The following CTNNA2 variants were observed in gnomAD, a reference collection of about 807,000 sequenced individuals.
CTNNA2 encodes the protein catenin alpha-2.
In CTNNA2, 42 loss-of-function variants were observed where a neutral mutation model predicts 101.0. That is an observed-to-expected ratio of 0.42 (90% CI 0.32 to 0.54). The LOEUF is 0.54. CTNNA2 is among the 20% of genes least tolerant of loss of function. The pLI is 0.14. For synonymous variants in CTNNA2, 450 were observed against 456.4 expected (o/e 0.99, Z 0.18); for missense variants, 871 against 1,223.1 (o/e 0.71, Z 4.29).
intron 1 of CTNNA2, among the ~76,000 whole-genome samples, chr2:79,627,243 C>T (rs1476882708): frequency 6.6e-6 from 1 of 152,232 alleles, no homozygotes; most frequent in South Asian, 2.1e-4. Flanking sequence ...TTTCTTCCAA[C>T]TCTAAAAGCC....
intron 14 of CTNNA2, among the ~76,000 whole-genome samples, chr2:80,585,946 A>G (rs1262010276): frequency 6.6e-6 from 1 of 152,194 alleles, no homozygotes; most frequent in African/African-American, 2.4e-5. Flanking sequence ...CATTAAGTGT[A>G]TTATGCAGGT....
intron 7 of CTNNA2, among the ~76,000 whole-genome samples, chr2:80,371,383 G>A (rs1573870584): frequency 6.6e-6 from 1 of 152,118 alleles, no homozygotes; most frequent in East Asian, 1.9e-4. Flanking sequence ...ATGAGGTAGT[G>A]AAGTGTTAAC....
intron 4 of CTNNA2, among the ~76,000 whole-genome samples, chr2:79,431,905 G>C (rs1678663113): frequency 6.6e-6 from 1 of 152,048 alleles, no homozygotes; most frequent in Non-Finnish European, 1.5e-5. Flanking sequence ...TTGTGGAACA[G>C]AAAGCAAAAA....
chr2:80,255,591 C>T (rs937135919), intron 7 of CTNNA2, among the ~76,000 whole-genome samples: 3 of 152,118 alleles, frequency 2.0e-5, no homozygotes, highest in Admixed American at 6.6e-5. Flanking sequence ...CCATCAAACT[C>T]GCGGGCCTTG....
intron 7 of CTNNA2, among the ~76,000 whole-genome samples, chr2:79,982,295 A>AAC (rs529112548): frequency 0.017 from 2,392 of 140,656 alleles, 127 homozygotes; most frequent in African/African-American, 0.06. Context: ...TAACATATAT[A>AAC]ACATATATAA....
intron 2 of CTNNA2, among the ~76,000 whole-genome samples, chr2:79,302,743 A>G (rs1365393555): frequency 1.3e-5 from 2 of 152,192 alleles, no homozygotes; most frequent in African/African-American, 2.4e-5. Flanking sequence ...GGCACCAGGC[A>G]TAAAGCTCAG....
intron 18 of CTNNA2, among the ~76,000 whole-genome samples, chr2:80,636,435 G>A (rs923773820): frequency 2.0e-5 from 3 of 152,102 alleles, no homozygotes; most frequent in Non-Finnish European, 4.4e-5. Context: ...TAAACACAGA[G>A]CTTTGGGAGA....
intron 4 of CTNNA2, among the ~76,000 whole-genome samples, chr2:79,404,917 A>G (rs564788846): frequency 1.3e-5 from 2 of 151,988 alleles, no homozygotes; most frequent in African/African-American, 4.8e-5. Context: ...TCAGAACTTT[A>G]TTTTTTTAAA....
At chr2:80,615,248 A>G (rs1412788179) in intron 17 of CTNNA2, among the ~76,000 whole-genome samples, 1 of 151,592 alleles carries the variant, frequency 6.6e-6, no homozygotes, top group Non-Finnish European at 1.5e-5. Context: ...TAACATTTTG[A>G]CAATAATATT....
At chr2:79,758,778 A>G (rs777008665) in intron 3 of CTNNA2, among the ~76,000 whole-genome samples, 1 of 152,290 alleles carries the variant, frequency 6.6e-6, no homozygotes, top group East Asian at 1.9e-4. Context: ...ACATAATTTC[A>G]TTCTTTTTTA....
intron 3 of CTNNA2, among the ~76,000 whole-genome samples, chr2:79,772,977 C>A (rs554738309): frequency 6.6e-6 from 1 of 152,286 alleles, no homozygotes; most frequent in East Asian, 1.9e-4. Flanking sequence ...GGAACTTTAT[C>A]TCACTCTGGG....
intron 3 of CTNNA2, among the ~76,000 whole-genome samples, chr2:79,341,788 C>T (rs1351256869): frequency 1.3e-5 from 2 of 152,162 alleles, no homozygotes; most frequent in African/African-American, 4.8e-5. Flanking sequence ...TGTCACCTGG[C>T]TCTATTTATA....
chr2:79,252,287 A>G (rs967264926), intron 2 of CTNNA2, among the ~76,000 whole-genome samples: 2 of 99,134 alleles, frequency 2.0e-5, no homozygotes, highest in Admixed American at 9.0e-5. Context: ...GCATGTTTGG[A>G]AGAGATTTTT....
At chr2:79,776,493 A>G (rs1359320128) in intron 3 of CTNNA2, among the ~76,000 whole-genome samples, 1 of 152,212 alleles carries the variant, frequency 6.6e-6, no homozygotes, top group Non-Finnish European at 1.5e-5. Context: ...ACCACTGTAT[A>G]AATCAAAAGC....
At chr2:80,587,904 G>A (rs1400756975) in intron 14 of CTNNA2, among the ~76,000 whole-genome samples, 1 of 152,024 alleles carries the variant, frequency 6.6e-6, no homozygotes, top group Non-Finnish European at 1.5e-5. Context: ...TTTCATTCGG[G>A]GCTTGCTACC....
intron 2 of CTNNA2, among the ~76,000 whole-genome samples, chr2:79,291,894 A>G (rs888833189): frequency 6.6e-6 from 1 of 152,142 alleles, no homozygotes; most frequent in Admixed American, 6.6e-5. Context: ...GGCAGCCAAG[A>G]TATTGTATTG....
intron 1 of CTNNA2, among the ~76,000 whole-genome samples, chr2:79,642,327 A>T (rs1311077280): frequency 6.6e-6 from 1 of 152,162 alleles, no homozygotes; most frequent in Non-Finnish European, 1.5e-5. Context: ...AGATACCCGC[A>T]CCCCACCCTG....
At chr2:80,228,188 A>G (rs1708997837) in intron 7 of CTNNA2, among the ~76,000 whole-genome samples, 1 of 152,220 alleles carries the variant, frequency 6.6e-6, no homozygotes, top group Admixed American at 6.5e-5. Flanking sequence ...TTGGGCTGCC[A>G]TAATAAAATA....
At chr2:80,265,775 G>A (rs318362) in intron 7 of CTNNA2, among the ~76,000 whole-genome samples, 79,818 of 152,028 alleles carry the variant, frequency 0.53, 22,060 homozygotes, top group Non-Finnish European at 0.63. Flanking sequence ...TGTGGACACA[G>A]ATAACAACTG....
Sources: allele counts gnomAD v4.1 joint callset (sites outside exome capture counted in the v4.1 genomes callset), GRCh38; gene constraint gnomAD v4.1.1; transcripts MANE v1.5; gene names NCBI Gene and HGNC (gene_info 2026-07-23, HGNC 2026-07-21).